ASIC5: variants seen among roughly 807,000 people sequenced by gnomAD.
ASIC5 encodes bile acid-sensitive ion channel.
In ASIC5, 52 loss-of-function variants were observed where a neutral mutation model predicts 51.2. The ratio of observed to expected loss-of-function variants is 1.02; its 90% confidence interval spans 0.81 to 1.28. The LOEUF (loss-of-function observed/expected upper bound fraction) is 1.28, where lower values mean the gene tolerates loss of function less well. Ranked by LOEUF, ASIC5 falls within the 50% of genes most tolerant of loss-of-function variation. The probability of loss-of-function intolerance (pLI) is 0.00; values close to 1 mark genes in which losing one functional copy is unlikely to be tolerated. For synonymous variants in ASIC5, 231 were observed against 200.7 expected, an observed-to-expected ratio of 1.15 and a Z score of -1.28; for missense variants, 635 against 595.0, an observed-to-expected ratio of 1.07 and a Z score of -0.70.
Position 155,836,695 on chromosome 4 carries a change from T to C in ASIC5, c.1229A>G (p.Tyr410Cys). The change falls in exon 8 of 10, where the codon TAC becomes TGC. Residue 410 changes from tyrosine (Y) to cysteine (C), a missense_variant. Transcript: ENST00000537611. ...LSKKLNQSRK[Y>C]IRENLVKIEI... is the part of the protein sequence containing the mutation. ...AAAAGGCTAGTAAGGTTACCTGATG[T>C]ATTTCCGGCTTTGATTCAACTTCTT... 1 of 1,603,788 alleles carries C rather than the reference T, an allele frequency of 6.2e-7. No homozygotes were observed. Among genetic ancestry groups the C allele is most frequent in the Non-Finnish European group, 8.5e-7 (1 of 1,172,624 alleles).
intron 6 of ASIC5, among the ~76,000 whole-genome samples, chr4:155,840,492 TA>T (rs1275888027): frequency 6.8e-6 from 1 of 147,910 alleles, no homozygotes; most frequent in Non-Finnish European, 1.5e-5. Context: ...ACATATTTTA[TA>T]TTTATATTTT....
intron 2 of ASIC5, 108 bp downstream of exon 2, chr4:155,863,340 T>C: frequency 1.1e-6 from 1 of 878,364 alleles, no homozygotes; most frequent in Non-Finnish European, 1.7e-6. Context: ...AATTCAGTGG[T>C]TTTACATATG....
rs148021215 is a variant in ASIC5, at chr4:155,863,730, C to A, written c.65G>T (p.Cys22Phe). Residue 22 changes from cysteine (C) to phenylalanine (F), a missense_variant, in exon 2 of 10, where the codon TGC becomes TTC. Transcript: ENST00000537611. ...AGATGGCAGTGGTTTCTTTGAAAGG[C>A]AAAGCTTTATCTTTTCTAAGAGTCC... Reference protein sequence around the residue: ...ENGLLEKIKLCLSKKPLPSPT... With the variant: ...ENGLLEKIKLFLSKKPLPSPT... The A allele has an allele frequency of 2.5e-4, 396 of 1,613,284 alleles. 1 individual carries two copies. In the African/African-American group the frequency reaches 4.8e-3, roughly 19 times the overall value.
At chr4:155,855,153 C>T (rs1174887144) in intron 2 of ASIC5, 1 of 152,016 alleles carries the variant, frequency 6.6e-6, no homozygotes, top group Non-Finnish European at 1.5e-5. Context: ...CAGTTAGGTT[C>T]TAATTGTTAC....
chr4:155,863,743 T>A lies in ASIC5; in HGVS notation c.52A>T (p.Lys18Ter). 1 of 1,611,826 alleles carries A rather than the reference T, an allele frequency of 6.2e-7. No homozygotes were observed. Among genetic ancestry groups the A allele is most frequent in the Non-Finnish European group, 8.5e-7 (1 of 1,179,130 alleles). The change falls in exon 2 of 10, where the codon AAG becomes TAG. Residue 18 changes from lysine (K) to a stop codon, truncating the protein, a stop_gained. Transcript: ENST00000537611. LOFTEE classifies it high-confidence loss of function. ...KVYAENGLLE[K>*]IKLCLSKKPL... ...TTCTTTGAAAGGCAAAGCTTTATCTTTTCTAAGAGTCCTTAAGGTTTTGCC... is the reference window on the plus strand; with the variant it reads ...TTCTTTGAAAGGCAAAGCTTTATCTATTCTAAGAGTCCTTAAGGTTTTGCC...
At chr4:155,861,029 C>A (rs1741689928) in intron 2 of ASIC5, among the ~76,000 whole-genome samples, 1 of 151,628 alleles carries the variant, frequency 6.6e-6, no homozygotes, top group African/African-American at 2.4e-5. Context: ...TTTAGGTGTG[C>A]ATTGTTTAAT....
intron 4 of ASIC5, among the ~76,000 whole-genome samples, chr4:155,850,424 C>G (rs551728966): frequency 1.3e-5 from 2 of 152,112 alleles, no homozygotes; most frequent in East Asian, 3.9e-4. Flanking sequence ...AAGTTGTGCC[C>G]TGACTACCCC....
chr4:155,852,628 C>A (rs1741410519), intron 3 of ASIC5, among the ~76,000 whole-genome samples: 1 of 151,904 alleles, frequency 6.6e-6, no homozygotes, highest in African/African-American at 2.4e-5. Context: ...ATCTGTGGAG[C>A]ACTACTTCAG....
At chr4:155,835,782 T>C (rs1740966117) in intron 8 of ASIC5, among the ~76,000 whole-genome samples, 1 of 152,220 alleles carries the variant, frequency 6.6e-6, no homozygotes, top group African/African-American at 2.4e-5. Context: ...GAAAATGCTT[T>C]TTCTTTCTGT....
chr4:155,854,339 G>A (rs541173542), intron 2 of ASIC5, 25 bp from the exon 3 acceptor site: 64 of 1,424,282 alleles, frequency 4.5e-5, no homozygotes, highest in Admixed American at 2.3e-4. Context: ...GAAGGCAATA[G>A]TTAGAATAAT....
At chr4:155,833,029 T>C (rs1438469653) in intron 8 of ASIC5, among the ~76,000 whole-genome samples, 4 of 152,182 alleles carry the variant, frequency 2.6e-5, no homozygotes, top group African/African-American at 9.7e-5. Flanking sequence ...CCATCTGACA[T>C]GACTATATAC....
intron 4 of ASIC5, among the ~76,000 whole-genome samples, chr4:155,849,287 G>A (rs1361775647): frequency 5.3e-5 from 8 of 152,096 alleles, no homozygotes; most frequent in East Asian, 1.9e-4. Flanking sequence ...TTGGAACCTC[G>A]AGTGGCGAGG....
At chr4:155,845,831 T>C (rs1414076458) in intron 4 of ASIC5, among the ~76,000 whole-genome samples, 1 of 152,128 alleles carries the variant, frequency 6.6e-6, no homozygotes, top group African/African-American at 2.4e-5. Flanking sequence ...TATTTTCACC[T>C]GAGTTGTTTC....
intron 4 of ASIC5, among the ~76,000 whole-genome samples, chr4:155,846,211 A>AGG (rs1335764431): frequency 6.6e-6 from 1 of 152,128 alleles, no homozygotes; most frequent in Non-Finnish European, 1.5e-5. Context: ...AATATCAGAA[A>AGG]TGTCTTAAGA....
intron 4 of ASIC5, among the ~76,000 whole-genome samples, chr4:155,850,352 A>G (rs1210964415): frequency 6.6e-6 from 1 of 151,902 alleles, no homozygotes; most frequent in African/African-American, 2.4e-5. Flanking sequence ...TTCTGGATAA[A>G]ACCAATGTAT....
At chr4:155,848,700 C>G (rs1181655980) in intron 4 of ASIC5, among the ~76,000 whole-genome samples, 1 of 151,854 alleles carries the variant, frequency 6.6e-6, no homozygotes, top group Non-Finnish European at 1.5e-5. Context: ...CTAACAGGTG[C>G]CCTTAAATGC....
intron 4 of ASIC5, among the ~76,000 whole-genome samples, chr4:155,847,866 A>G (rs1163013096): frequency 6.6e-6 from 1 of 152,058 alleles, no homozygotes; most frequent in Non-Finnish European, 1.5e-5. Flanking sequence ...AAGACAAAAT[A>G]AGTTCAGTTT....
At chr4:155,854,005 G>A (rs1741455758) in intron 3 of ASIC5, 72 bp downstream of exon 3, 2 of 1,139,756 alleles carry the variant, frequency 1.8e-6, no homozygotes, top group South Asian at 1.4e-5. Context: ...AATGCCGTGG[G>A]AGCTCAATGT....
chr4:155,855,873 T>C (rs1343445083), intron 2 of ASIC5, among the ~76,000 whole-genome samples: 1 of 151,998 alleles, frequency 6.6e-6, no homozygotes, highest in East Asian at 1.9e-4. Flanking sequence ...AAAATTTGCA[T>C]CTGTAGAAAA....
Sources: gnomAD v4.1 joint callset for allele counts (sites outside exome capture counted in the v4.1 genomes callset) on GRCh38, gnomAD v4.1.1 for gene constraint, MANE v1.5 for transcripts, NCBI Gene and HGNC (gene_info 2026-07-23, HGNC 2026-07-21) for gene names.